Variants in TMEM131L observed in about 807,000 individuals in gnomAD.
TMEM131L encodes transmembrane protein 131-like.
Under a neutral mutation model 192.2 loss-of-function variants are expected in TMEM131L, and 54 were observed. The ratio of observed to expected loss-of-function variants is 0.28; its 90% confidence interval spans 0.23 to 0.35. TMEM131L has a LOEUF of 0.35. Ranked by LOEUF, TMEM131L falls within the 10% of genes least tolerant of loss-of-function variation. The pLI is 1.00. For missense variants in TMEM131L, 1,888 were observed against 1,972.9 expected (o/e 0.96, Z 0.82); for synonymous variants, 701 against 704.9 (o/e 0.99, Z 0.09).
At position 153,480,720 on chromosome 4, in the gene TMEM131L, T is replaced by G. The variant is rs551702285; in HGVS notation, c.239+6832T>G. On this transcript the variant is annotated intron_variant, in intron 3 of 34. Coordinates refer to ENST00000409959, the MANE Select transcript of TMEM131L (RefSeq NM_001131007.2). ...ATTTTTTTATGGCTACACAGCAGTGTATATATTTGTTGCTCTGTTGGCTTT... is the reference window on the plus strand; with the variant it reads ...ATTTTTTTATGGCTACACAGCAGTGGATATATTTGTTGCTCTGTTGGCTTT... 1.4e-4 allele frequency among the ~76,000 whole-genome samples: 21 copies of G among 152,286 alleles called. 1 individual carries two copies. The East Asian group carries it at 4.0e-3, about 29-fold the overall frequency.
At chr4:153,513,352 G>T (rs753092736) in intron 3 of TMEM131L, among the ~76,000 whole-genome samples, 1 of 152,176 alleles carries the variant, frequency 6.6e-6, no homozygotes, top group African/African-American at 2.4e-5. Context: ...GCTCTATTCT[G>T]ATTTATTTTG....
intron 34 of TMEM131L, among the ~76,000 whole-genome samples, 156 bp from the exon 35 acceptor site, chr4:153,636,144 GA>G: frequency 6.6e-6 from 1 of 152,248 alleles, no homozygotes; most frequent in African/African-American, 2.4e-5. Flanking sequence ...CTCCCTTTGA[GA>G]AAAAATGGAG....
chr4:153,635,520 C>G lies in TMEM131L; in HGVS notation c.4506C>G (p.Thr1502=). The part of the protein sequence containing the change: ...IDHNSQSTWN[T]PPNMPAAWGH... ...ACAACTCTCAGTCTACCTGGAACAC[C>G]CCACCCAACATGCCTGCTGCCTGGG... Residue 1502 remains threonine, a synonymous_variant, in exon 34 of 35, where the codon ACC becomes ACG. Coordinates refer to ENST00000409959, the MANE Select transcript of TMEM131L (RefSeq NM_001131007.2). The G allele has an allele frequency of 1.2e-6, 2 of 1,614,112 alleles. No individual in the cohort carries two copies.
chr4:153,542,695 GGAA>G (rs1430951338), intron 3 of TMEM131L, among the ~76,000 whole-genome samples: 22 of 152,166 alleles, frequency 1.4e-4, no homozygotes, highest in Non-Finnish European at 1.3e-4. Flanking sequence ...GGCTTCAAAG[GGAA>G]GAAGAGGACT....
At chr4:153,597,471 C>T (rs1731523778) in intron 20 of TMEM131L, among the ~76,000 whole-genome samples, 1 of 152,080 alleles carries the variant, frequency 6.6e-6, no homozygotes, top group African/African-American at 2.4e-5. Context: ...TCTATTGCCC[C>T]AGCACTTAAA....
At chr4:153,585,638 T>A in intron 13 of TMEM131L, 27 bp downstream of exon 13, 1 of 1,541,530 alleles carries the variant, frequency 6.5e-7, no homozygotes, top group Non-Finnish European at 8.8e-7. Flanking sequence ...TTCCCCAAGT[T>A]TTAGCTTATT....
intron 3 of TMEM131L, among the ~76,000 whole-genome samples, chr4:153,522,668 A>G (rs1182892568): frequency 1.3e-5 from 2 of 152,190 alleles, no homozygotes; most frequent in Non-Finnish European, 2.9e-5. Flanking sequence ...CCCAGCACCT[A>G]GCTGGGTTCC....
chr4:153,554,155 A>G (rs1160715916), intron 4 of TMEM131L: 1 of 152,214 alleles, frequency 6.6e-6, no homozygotes, highest in Admixed American at 6.5e-5. Flanking sequence ...TTTACTTGAA[A>G]CCCAAAACCT....
intron 3 of TMEM131L, among the ~76,000 whole-genome samples, chr4:153,493,345 C>CAAAAAAAAAAAAAAAAAAAAA (rs35052272): frequency 1.8e-4 from 13 of 72,854 alleles, no homozygotes; most frequent in African/African-American, 8.6e-4. Flanking sequence ...GACTCTGTCT[C>CAAAAAAAAAAAAAAAAAAAAA]AAAAAAAAAA....
intron 7 of TMEM131L, among the ~76,000 whole-genome samples, chr4:153,563,456 C>CTTT (rs1177255196): frequency 0.017 from 1,539 of 88,226 alleles, 229 homozygotes; most frequent in Non-Finnish European, 0.029. Flanking sequence ...GATATGTACC[C>CTTT]TTTTTTTTTT....
intron 10 of TMEM131L, 83 bp from the exon 11 acceptor site, chr4:153,583,481 C>G: frequency 1.0e-6 from 1 of 954,798 alleles, no homozygotes; most frequent in Non-Finnish European, 1.7e-6. Context: ...CTGGTCTGTG[C>G]TATTTATTCT....
In TMEM131L at chr4:153,557,404, G is replaced by A. The variant is rs367982637; in HGVS notation, c.549+322G>A. The stretch of plus-strand genomic sequence containing the variant: ...TCAAAACTCATGGCTCTCACCTCAC[G>A]GGCGTTCAGAAGGAGGTGCTCTAAG... On this transcript the variant is annotated intron_variant, in intron 6 of 34. Coordinates refer to ENST00000409959, the MANE Select transcript of TMEM131L (RefSeq NM_001131007.2). Among the ~76,000 whole-genome samples the A allele has an allele frequency of 2.0e-5, 3 of 152,192 alleles. No individual in the cohort carries two copies. The East Asian group carries it at 5.8e-4, about 29-fold the overall frequency.
At position 153,602,524 on chromosome 4, in the gene TMEM131L, T is replaced by C; in HGVS notation, c.2454-18T>C. The C allele has an allele frequency of 6.2e-7, 1 of 1,610,814 alleles. No individual in the cohort carries two copies. Among genetic ancestry groups the C allele is most frequent in the Non-Finnish European group, 8.5e-7 (1 of 1,177,488 alleles). ...CAAAACAATTAAAAGTTCATAAAGA[T>C]GACTCTTTTATTTTCAGGTTCACTC... On this transcript the variant is annotated intron_variant, in intron 22 of 34. Transcript: ENST00000409959.
chr4:153,532,423 A>C (rs998342349), intron 3 of TMEM131L, among the ~76,000 whole-genome samples: 1 of 150,830 alleles, frequency 6.6e-6, no homozygotes, highest in Non-Finnish European at 1.5e-5. Flanking sequence ...GTGTGTGCTT[A>C]CTTGCTATTA....
chr4:153,632,586 T>C, intron 31 of TMEM131L, 132 bp from the exon 32 acceptor site: 1 of 912,096 alleles, frequency 1.1e-6, no homozygotes, highest in Non-Finnish European at 1.7e-6. Context: ...TGAAATTATA[T>C]TCCGAAAGGA....
intron 3 of TMEM131L, among the ~76,000 whole-genome samples, chr4:153,484,764 G>A (rs556540847): frequency 3.4e-5 from 5 of 146,536 alleles, no homozygotes; most frequent in African/African-American, 5.0e-5. Flanking sequence ...CACCGTGCCC[G>A]GCCATAGGGA....
At chr4:153,469,314 G>GACACACACACAC (rs201245535) in intron 2 of TMEM131L, among the ~76,000 whole-genome samples, 5,760 of 148,856 alleles carry the variant, frequency 0.039, 226 homozygotes, top group East Asian at 0.12. Flanking sequence ...GGGTAAGGGA[G>GACACACACACAC]ACACACACAC....
At chr4:153,499,968 C>T (rs1295251506) in intron 3 of TMEM131L, among the ~76,000 whole-genome samples, 1 of 151,782 alleles carries the variant, frequency 6.6e-6, no homozygotes, top group Non-Finnish European at 1.5e-5. Context: ...TTTTTTAACT[C>T]GCCCAGGCTA....
chr4:153,566,934 G>T (rs954922696), intron 7 of TMEM131L, among the ~76,000 whole-genome samples: 1 of 152,206 alleles, frequency 6.6e-6, no homozygotes, highest in African/African-American at 2.4e-5. Context: ...TCAAACCCTC[G>T]TGCCCGCCTG....
Sources: allele counts gnomAD v4.1 joint callset (sites outside exome capture counted in the v4.1 genomes callset), GRCh38; gene constraint gnomAD v4.1.1; transcripts MANE v1.5; gene names NCBI Gene and HGNC (gene_info 2026-07-23, HGNC 2026-07-21).